Variants in DCDC2C observed in about 807,000 individuals in gnomAD.
DCDC2C encodes the protein doublecortin domain containing 2C.
Under a neutral mutation model 45.0 loss-of-function variants are expected in DCDC2C, and 44 were observed. The observed-to-expected ratio is 0.98, with a 90% CI of 0.77 to 1.26. DCDC2C has a LOEUF of 1.26. Ranked by LOEUF, DCDC2C falls within the 50% of genes most tolerant of loss-of-function variation. The pLI, the probability that DCDC2C is intolerant of heterozygous loss-of-function variation, is 0.00. For synonymous variants in DCDC2C, 187 were observed against 178.8 expected, an observed-to-expected ratio of 1.05 and a Z score of -0.37; for missense variants, 447 against 468.9, an observed-to-expected ratio of 0.95 and a Z score of 0.43.
At chr2:3,762,864 T>C (rs970578090) in intron 6 of DCDC2C, among the ~76,000 whole-genome samples, 2 of 151,838 alleles carry the variant, frequency 1.3e-5, no homozygotes, top group Non-Finnish European at 2.9e-5. Flanking sequence ...GAGGCAGCTG[T>C]TTTGGAGAGA....
chr2:3,803,187 C>T (rs143537704), intron 10 of DCDC2C, among the ~76,000 whole-genome samples: 26 of 152,308 alleles, frequency 1.7e-4, no homozygotes, highest in East Asian at 9.6e-4. Flanking sequence ...CTTTCTTTCT[C>T]GTAATCTTTC....
intron 8 of DCDC2C, among the ~76,000 whole-genome samples, chr2:3,775,040 C>T (rs1428568245): frequency 1.3e-5 from 2 of 151,774 alleles, no homozygotes; most frequent in African/African-American, 2.4e-5. Context: ...GCTGGGATTA[C>T]AGGCATGAGC....
intron 2 of DCDC2C, 84 bp downstream of exon 2, chr2:3,708,684 G>C (rs1668131693): frequency 9.2e-7 from 1 of 1,091,156 alleles, no homozygotes; most frequent in Non-Finnish European, 1.3e-6. Context: ...AATAATTGAA[G>C]TTTCACAGAA....
At chr2:3,770,287 A>C (rs1449427206) in intron 8 of DCDC2C, among the ~76,000 whole-genome samples, 1 of 152,182 alleles carries the variant, frequency 6.6e-6, no homozygotes. Flanking sequence ...TAAACCACCA[A>C]ATCCTGGTAT....
chr2:3,709,581 C>T (rs912437583), intron 2 of DCDC2C, among the ~76,000 whole-genome samples: 4 of 152,140 alleles, frequency 2.6e-5, no homozygotes, highest in East Asian at 1.9e-4. Context: ...TTGCCAAGGA[C>T]GAGAGGGCAA....
rs541096868 is a variant in DCDC2C, at chr2:3,845,858, G to T, written c.1066-1296G>T. ...GGCCCTGGTCTGTGCTCCACCATTTGTTGACCACAGGGTCTTGAACAATTT... is the reference window on the plus strand; with the variant it reads ...GGCCCTGGTCTGTGCTCCACCATTTTTTGACCACAGGGTCTTGAACAATTT... On this transcript the variant is annotated intron_variant, in intron 10 of 10. Coordinates refer to ENST00000399143, the MANE Select transcript of DCDC2C (RefSeq NM_001287444.2). 3.9e-5 allele frequency among the ~76,000 whole-genome samples: 6 copies of T among 152,316 alleles called. No homozygotes were observed. The East Asian group carries it at 9.6e-4, about 24-fold the overall frequency.
intron 10 of DCDC2C, among the ~76,000 whole-genome samples, chr2:3,813,878 C>T (rs918989005): frequency 6.6e-6 from 1 of 151,902 alleles, no homozygotes; most frequent in Non-Finnish European, 1.5e-5. Context: ...ATTTGCCAGT[C>T]TGTGTCTTTT....
chr2:3,745,033 T>C (rs1336076849), intron 4 of DCDC2C, among the ~76,000 whole-genome samples: 2 of 152,216 alleles, frequency 1.3e-5, no homozygotes, highest in Admixed American at 6.5e-5. Context: ...TTGCCTGGGC[T>C]GGAGTGCAAT....
chr2:3,729,395 G>A (rs58754868), intron 3 of DCDC2C, among the ~76,000 whole-genome samples: 143 of 152,318 alleles, frequency 9.4e-4, no homozygotes, highest in African/African-American at 3.2e-3. Flanking sequence ...TAGTGAAAGC[G>A]GCAAAAACAG....
At chr2:3,774,580 G>A (rs76960985) in intron 8 of DCDC2C, among the ~76,000 whole-genome samples, 4,511 of 152,176 alleles carry the variant, frequency 0.03, 92 homozygotes, top group East Asian at 0.056. Flanking sequence ...CCGTTTAAAC[G>A]GTGAGGAGAG....
At chr2:3,840,466 C>T (rs1672185456) in intron 10 of DCDC2C, among the ~76,000 whole-genome samples, 1 of 152,174 alleles carries the variant, frequency 6.6e-6, no homozygotes, top group Admixed American at 6.5e-5. Context: ...TCTGCCAGTG[C>T]CCTGTAATTT....
intron 1 of DCDC2C, among the ~76,000 whole-genome samples, chr2:3,704,352 G>C (rs1667978111): frequency 7.4e-6 from 1 of 135,754 alleles, no homozygotes; most frequent in Non-Finnish European, 1.6e-5. Context: ...GCAGAAACAG[G>C]GGTGTGGAGG....
At chr2:3,809,371 G>A (rs1295247520) in intron 10 of DCDC2C, among the ~76,000 whole-genome samples, 1 of 152,104 alleles carries the variant, frequency 6.6e-6, no homozygotes, top group Non-Finnish European at 1.5e-5. Context: ...CCATGAACAT[G>A]TTCTATCTCT....
intron 3 of DCDC2C, among the ~76,000 whole-genome samples, chr2:3,732,634 G>A (rs1466102475): frequency 6.6e-6 from 1 of 152,158 alleles, no homozygotes. Flanking sequence ...GGTGGCCTTA[G>A]TTTGTTGATT....
chr2:3,744,857 C>T (rs1669315913), intron 4 of DCDC2C, among the ~76,000 whole-genome samples: 1 of 152,186 alleles, frequency 6.6e-6, no homozygotes, highest in Admixed American at 6.5e-5. Flanking sequence ...ACCGGGAATA[C>T]CTCCATGCTC....
At chr2:3,804,009 G>A (rs1444600049) in intron 10 of DCDC2C, among the ~76,000 whole-genome samples, 1 of 152,146 alleles carries the variant, frequency 6.6e-6, no homozygotes, top group Admixed American at 6.5e-5. Flanking sequence ...TCCAAACTTT[G>A]GTAGCTTCTG....
chr2:3,778,799 G>T lies in DCDC2C; in HGVS notation c.955-17G>T. 2 of 1,549,606 alleles carry T rather than the reference G, an allele frequency of 1.3e-6. No individual in the cohort carries two copies. Among genetic ancestry groups the T allele is most frequent in the Non-Finnish European group, 1.7e-6 (2 of 1,146,160 alleles). On this transcript the variant is annotated splice_polypyrimidine_tract_variant and intron_variant, in intron 8 of 10. Coordinates refer to ENST00000399143, the MANE Select transcript of DCDC2C (RefSeq NM_001287444.2). ...CCACATAAGTAGTTGATAAAATGTG[G>T]TGTATTTTCTCCCCAGAGACAAGCT...
At chr2:3,722,467 G>T (rs1397092944) in intron 2 of DCDC2C, among the ~76,000 whole-genome samples, 1 of 152,190 alleles carries the variant, frequency 6.6e-6, no homozygotes, top group East Asian at 1.9e-4. Flanking sequence ...TCCATGGTGG[G>T]TATTCAATAA....
At chr2:3,726,468 C>T (rs754525820) in intron 2 of DCDC2C, among the ~76,000 whole-genome samples, 1 of 152,148 alleles carries the variant, frequency 6.6e-6, no homozygotes, top group African/African-American at 2.4e-5. Context: ...CTGAAGCTGT[C>T]ACCAGGCCAT....
Sources: gnomAD v4.1 joint callset for allele counts (sites outside exome capture counted in the v4.1 genomes callset) on GRCh38, gnomAD v4.1.1 for gene constraint, MANE v1.5 for transcripts, NCBI Gene and HGNC (gene_info 2026-07-23, HGNC 2026-07-21) for gene names.